The following LRRC8C variants were observed in gnomAD, a reference collection of about 807,000 sequenced individuals.
The protein encoded by LRRC8C is leucine rich repeat containing 8 VRAC subunit C.
LRRC8C carries 20 observed loss-of-function variants against 55.3 expected under a neutral mutation model. That is an observed-to-expected ratio of 0.36 (90% confidence interval 0.25 to 0.53). The LOEUF is 0.53. LRRC8C is among the 20% of genes least tolerant of loss of function. The pLI is 0.92. For missense variants in LRRC8C, 659 were observed against 951.4 expected (o/e 0.69, Z 4.04); for synonymous variants, 376 against 360.7 (o/e 1.04, Z -0.48).
chr1:89,684,251 T>C (rs754576947), intron 1 of LRRC8C, among the ~76,000 whole-genome samples: 3 of 152,228 alleles, frequency 2.0e-5, no homozygotes, highest in Non-Finnish European at 4.4e-5. Flanking sequence ...ATTTCTGAAA[T>C]TGTTGCTCAC....
Position 89,718,282 on chromosome 1 carries a change from A to C in LRRC8C, c.*3300A>C, listed in dbSNP as rs1316654085. On this transcript the variant is annotated 3_prime_UTR_variant, in exon 3 of 3. Transcript: ENST00000370454. The stretch of plus-strand genomic sequence containing the variant: ...ATGCAGTAGGTACTGCTTTTTCAGA[A>C]AGACCTGGAAAACATACCTGCTATG... 1 of 152,148 alleles carries C rather than the reference A, an allele frequency of 6.6e-6. No homozygotes were observed. Among genetic ancestry groups the C allele is most frequent in the Non-Finnish European group, 1.5e-5 (1 of 68,000 alleles). 9.4% of individuals were successfully genotyped at this position (152,148 alleles called of 1,614,324 possible).
chr1:89,716,478 A>T lies in LRRC8C; in HGVS notation c.*1496A>T, dbSNP rs1658823762. 1 of 152,230 alleles carries T rather than the reference A, an allele frequency of 6.6e-6. No individual in the cohort carries two copies. The highest frequency in any genetic ancestry group is 6.5e-5 in the Admixed American group (1 of 15,286). 9.4% of individuals were successfully genotyped at this position (152,230 alleles called of 1,614,324 possible). ...AATTGCTAAGTGGTTGTTGCTTAGCAATAATTTTTGCCTGACCATCAGCAG... is the reference window on the plus strand; with the variant it reads ...AATTGCTAAGTGGTTGTTGCTTAGCTATAATTTTTGCCTGACCATCAGCAG... On this transcript the variant is annotated 3_prime_UTR_variant, in exon 3 of 3. Coordinates refer to ENST00000370454, the MANE Select transcript of LRRC8C (RefSeq NM_032270.5).
the LRRC8C span, among the ~76,000 whole-genome samples, chr1:89,619,590 CTG>C: frequency 6.6e-6 from 1 of 151,188 alleles, no homozygotes; most frequent in Non-Finnish European, 1.5e-5. Flanking sequence ...TATAAGAAAA[CTG>C]TCAATTAGTA....
chr1:89,686,118 AG>A (rs1230854463), intron 1 of LRRC8C, among the ~76,000 whole-genome samples: 1 of 152,142 alleles, frequency 6.6e-6, no homozygotes, highest in Non-Finnish European at 1.5e-5. Context: ...AACATTTCAA[AG>A]GATGAGCTCT....
At chr1:89,662,652 G>A (rs1415388436) in intron 1 of LRRC8C, among the ~76,000 whole-genome samples, 1 of 152,086 alleles carries the variant, frequency 6.6e-6, no homozygotes, top group African/African-American at 2.4e-5. Flanking sequence ...TTGCCCTTAT[G>A]TCTATGTAAT....
intron 2 of LRRC8C, among the ~76,000 whole-genome samples, chr1:89,711,140 G>A (rs962915868): frequency 1.3e-5 from 2 of 152,166 alleles, no homozygotes; most frequent in Non-Finnish European, 2.9e-5. Context: ...CACCCAGACT[G>A]ATACAACCCT....
intron 1 of LRRC8C, among the ~76,000 whole-genome samples, chr1:89,662,074 C>T (rs1366088231): frequency 6.6e-6 from 1 of 152,140 alleles, no homozygotes; most frequent in Non-Finnish European, 1.5e-5. Context: ...GATCTTTTGG[C>T]CTCCCTGGGA....
intron 1 of LRRC8C, among the ~76,000 whole-genome samples, chr1:89,680,171 G>A (rs1214340036): frequency 6.6e-6 from 1 of 150,992 alleles, no homozygotes. Context: ...TCCACCTCCT[G>A]GGTTCACACC....
At position 89,653,330 on chromosome 1, in the gene LRRC8C, A is replaced by G. The variant is rs539455528; in HGVS notation, c.-5+20008A>G. On this transcript the variant is annotated intron_variant, in intron 1 of 2. Transcript: ENST00000370454. ...ATGTTTTGAAATTATATTTTCCAAAACAAAAGAACAAAAAGATGTCAGTGT... is the reference window on the plus strand; with the variant it reads ...ATGTTTTGAAATTATATTTTCCAAAGCAAAAGAACAAAAAGATGTCAGTGT... 2.7e-4 allele frequency among the ~76,000 whole-genome samples: 41 copies of G among 152,338 alleles called. No homozygotes were observed. In the South Asian group the frequency reaches 8.5e-3, roughly 32 times the overall value.
At chr1:89,635,160 A>G (rs1656242243) in intron 1 of LRRC8C, among the ~76,000 whole-genome samples, 1 of 152,198 alleles carries the variant, frequency 6.6e-6, no homozygotes. Flanking sequence ...CTTTATTTCC[A>G]TGAAGTTTAT....
chr1:89,623,239 T>C, the LRRC8C span, among the ~76,000 whole-genome samples: 106 of 152,236 alleles, frequency 7.0e-4, 2 homozygotes, highest in South Asian at 0.021. Flanking sequence ...TCACTGAGAA[T>C]TGATTTTTAA....
At chr1:89,712,176 G>A (rs1028622370) in intron 2 of LRRC8C, among the ~76,000 whole-genome samples, 4 of 152,206 alleles carry the variant, frequency 2.6e-5, no homozygotes, top group African/African-American at 9.6e-5. Context: ...GCAATGGCAC[G>A]ATCTCGGCTC....
At chr1:89,689,289 G>GT (rs1657964382) in intron 2 of LRRC8C, among the ~76,000 whole-genome samples, 1 of 152,190 alleles carries the variant, frequency 6.6e-6, no homozygotes, top group South Asian at 2.1e-4. Context: ...CCAGAAAAAC[G>GT]TGAGTGAGGG....
chr1:89,687,678 T>C (rs890581173), intron 2 of LRRC8C, among the ~76,000 whole-genome samples: 11 of 152,060 alleles, frequency 7.2e-5, no homozygotes. Flanking sequence ...AAGGAAGCCA[T>C]GGACAATGAT....
rs138990518 is a variant in LRRC8C, at chr1:89,713,164, C to T, written c.594C>T (p.Thr198=). 2.8e-4 allele frequency: 455 copies of T among 1,614,186 alleles called. 3 individuals carry two copies. The South Asian group carries it at 3.7e-3, about 13-fold the overall frequency. ...NRKNNMNRSN[T]IQSGPEDSLV... ...AGAACAACATGAACAGGTCCAACACCATCCAATCTGGTCCAGAAGACAGCC... is the reference window on the plus strand; with the variant it reads ...AGAACAACATGAACAGGTCCAACACTATCCAATCTGGTCCAGAAGACAGCC... Residue 198 remains threonine, a synonymous_variant, in exon 3 of 3, where the codon ACC becomes ACT. Transcript: ENST00000370454. The surrounding 1 kb of genome is among the most constrained non-coding windows in gnomAD (Gnocchi z 5.2).
chr1:89,632,188 GA>G (rs1656125457), upstream of LRRC8C: 1 of 152,228 alleles, frequency 6.6e-6, no homozygotes, highest in Non-Finnish European at 1.5e-5. Context: ...CAGCTTTCAA[GA>G]CGTCAGAGTG....
rs554050082 is a variant in LRRC8C at position 89,683,662 on chromosome 1, A to G, written c.-4-2808A>G. On this transcript the variant is annotated intron_variant, in intron 1 of 2. Transcript: ENST00000370454. ...AGCCACTGAGCCTGGCCACTAATTA[A>G]TTTTAATATAATGAAGTTTAAAAAG... is the stretch of plus-strand genomic sequence containing the variant. 1.1e-4 allele frequency among the ~76,000 whole-genome samples: 17 copies of G among 152,184 alleles called. 1 individual carries two copies. The South Asian group carries it at 3.5e-3, about 32-fold the overall frequency.
Position 89,712,883 on chromosome 1 carries a change from C to T in LRRC8C, c.313C>T (p.Leu105Phe), listed in dbSNP as rs1475986608. The T allele has an allele frequency of 1.9e-6, 3 of 1,614,082 alleles. No homozygotes were observed. The South Asian group carries it at 3.3e-5, about 18-fold the overall frequency. ...EMKGLKTDLD[L>F]QQYSFINQMC... ...GAAAGGCCTGAAGACAGATTTGGACCTTCAGCAGTACAGCTTTATAAATCA... is the reference window on the plus strand; with the variant it reads ...GAAAGGCCTGAAGACAGATTTGGACTTTCAGCAGTACAGCTTTATAAATCA... Residue 105 changes from leucine (L) to phenylalanine (F), a missense_variant, in exon 3 of 3, where the codon CTT becomes TTT. By Grantham distance (22) the Leu-to-Phe change is conservative (BLOSUM62 0). Around this residue, in one of 5 missense-constraint regions of LRRC8C, gnomAD observed 200 missense variants for 360.5 expected, o/e 0.55. Coordinates refer to ENST00000370454, the MANE Select transcript of LRRC8C (RefSeq NM_032270.5).
intron 1 of LRRC8C, among the ~76,000 whole-genome samples, chr1:89,652,111 G>C (rs925653012): frequency 6.6e-6 from 1 of 152,148 alleles, no homozygotes; most frequent in African/African-American, 2.4e-5. Flanking sequence ...TAAAAGAAAA[G>C]TAAAACTGTA....
Sources: gnomAD v4.1 joint callset for allele counts (sites outside exome capture counted in the v4.1 genomes callset) on GRCh38, gnomAD v4.1.1 for gene constraint, gnomAD v4.1.1 regional missense constraint, Gnocchi (gnomAD v3.1) non-coding constraint, MANE v1.5 for transcripts, NCBI Gene and HGNC (gene_info 2026-07-23, HGNC 2026-07-21) for gene names.